The following GPAT3 variants were observed in gnomAD, a reference collection of about 807,000 sequenced individuals.
GPAT3 encodes 1-AGP acyltransferase 9.
GPAT3 carries 53 observed loss-of-function variants against 58.8 expected under a neutral mutation model. The ratio of observed to expected loss-of-function variants is 0.90; its 90% CI spans 0.72 to 1.13. GPAT3 has a LOEUF of 1.13. GPAT3 is among the 50% of genes most tolerant of loss of function. GPAT3 has a pLI of 0.00. For synonymous variants in GPAT3, 197 were observed against 187.4 expected, an observed-to-expected ratio of 1.05 and a Z score of -0.42; for missense variants, 511 against 527.6, an observed-to-expected ratio of 0.97 and a Z score of 0.31.
chr4:83,550,922 G>A lies in GPAT3; in HGVS notation c.208+6320G>A, dbSNP rs1206476949. ...ATTTTAATCTTTACATCTTAACATA[G>A]CTCTGTAGAAGGCAAAAGTTTGATT... On this transcript the variant is annotated intron_variant, in intron 2 of 11. Transcript: ENST00000264409. Among the ~76,000 whole-genome samples, 3 of 152,098 alleles carry A rather than the reference G, an allele frequency of 2.0e-5. No homozygotes were observed. The East Asian group carries it at 5.8e-4, about 29-fold the overall frequency.
chr4:83,588,326 C>G, intron 5 of GPAT3, 27 bp downstream of exon 5: 1 of 1,593,782 alleles, frequency 6.3e-7, no homozygotes, highest in East Asian at 2.2e-5. Flanking sequence ...ATGTGCCTGT[C>G]TTTTTCTAGG....
chr4:83,576,971 A>T (rs1725844918), intron 2 of GPAT3, among the ~76,000 whole-genome samples: 1 of 152,216 alleles, frequency 6.6e-6, no homozygotes, highest in African/African-American at 2.4e-5. Context: ...TACTAATGTT[A>T]CATGGAGAAA....
intron 2 of GPAT3, among the ~76,000 whole-genome samples, chr4:83,564,682 GAGCA>G (rs956169759): frequency 2.0e-5 from 3 of 151,858 alleles, no homozygotes; most frequent in Non-Finnish European, 2.9e-5. Flanking sequence ...CTGGGCAACA[GAGCA>G]AGACTCTGTC....
intron 2 of GPAT3, among the ~76,000 whole-genome samples, chr4:83,560,421 TTTTTTTTGTA>T (rs1725089198): frequency 6.6e-6 from 1 of 152,206 alleles, no homozygotes; most frequent in Admixed American, 6.5e-5. Context: ...TGTTTGAATT[TTTTTTTTGTA>T]TTTTTTTGTA....
chr4:83,585,210 A>G (rs574110001), intron 3 of GPAT3, among the ~76,000 whole-genome samples: 33 of 152,092 alleles, frequency 2.2e-4, no homozygotes, highest in African/African-American at 7.0e-4. Flanking sequence ...TTAACACCTT[A>G]TTTATCAAGG....
intron 2 of GPAT3, among the ~76,000 whole-genome samples, chr4:83,546,151 A>AT (rs1269972188): frequency 6.6e-6 from 1 of 151,994 alleles, no homozygotes; most frequent in East Asian, 1.9e-4. Context: ...TGCCTGGCTA[A>AT]TTTTTGTATT....
In GPAT3 at chr4:83,598,739, G is replaced by T; in HGVS notation, c.1205+16G>T. On this transcript the variant is annotated intron_variant, in intron 11 of 11. Coordinates refer to ENST00000264409, the MANE Select transcript of GPAT3 (RefSeq NM_032717.5). ...AACTTCCCTGGTAAGAGAACTTTCA[G>T]AAGTACTATCACTTTTTTTTTTTTT... 7.7e-6 allele frequency: 3 copies of T among 389,464 alleles called. No individual in the cohort carries two copies. Among genetic ancestry groups the T allele is most frequent in the East Asian group, 8.2e-5 (1 of 12,210 alleles). The allele number at this position is 389,464 out of a possible 1,614,324, so 24.1% of individuals were successfully genotyped here. A position where few individuals can be genotyped will look rare whatever the true frequency, so the allele number is the denominator to read the frequency against.
chr4:83,551,249 A>G (rs1010312566), intron 2 of GPAT3, among the ~76,000 whole-genome samples: 5 of 152,354 alleles, frequency 3.3e-5, no homozygotes, highest in African/African-American at 1.2e-4. Context: ...AACTGGACTT[A>G]CATGGAAAGA....
chr4:83,558,465 A>G (rs1725016697), intron 2 of GPAT3, among the ~76,000 whole-genome samples: 1 of 152,220 alleles, frequency 6.6e-6, no homozygotes, highest in Non-Finnish European at 1.5e-5. Flanking sequence ...CCACACAGCC[A>G]TGACTGAACC....
intron 2 of GPAT3, among the ~76,000 whole-genome samples, chr4:83,579,385 T>C (rs1726023146): frequency 1.3e-5 from 2 of 148,860 alleles, no homozygotes; most frequent in South Asian, 4.3e-4. Context: ...CTCCATCTTC[T>C]GGGCTCAAGT....
chr4:83,539,846 T>C (rs1375129917), intron 1 of GPAT3, among the ~76,000 whole-genome samples: 1 of 152,190 alleles, frequency 6.6e-6, no homozygotes, highest in Non-Finnish European at 1.5e-5. Flanking sequence ...AAAATTGTTT[T>C]AGGAATACAA....
Position 83,579,078 on chromosome 4 carries a change from C to CCTTCCTTCCTTCCTTCCTTCT in GPAT3, c.209-2484_209-2483insCTTCCTTCCTTCCTTCCTTCT, listed in dbSNP as rs1725992056. ...TCTTTCTTTCTTTCTTTCTTTCTTT[C>CCTTCCTTCCTTCCTTCCTTCT]TTCCCTTCCTTCCTTCCTTCCTTCC... is the stretch of plus-strand genomic sequence containing the variant. On this transcript the variant is annotated intron_variant, in intron 2 of 11. Coordinates refer to ENST00000264409, the MANE Select transcript of GPAT3 (RefSeq NM_032717.5). Among the ~76,000 whole-genome samples the CCTTCCTTCCTTCCTTCCTTCT allele has an allele frequency of 1.6e-4, 4 of 24,914 alleles. 1 individual carries two copies. The highest frequency in any genetic ancestry group is 3.8e-3 in the South Asian group (2 of 522). The allele number at this position is 24,914 out of a possible 152,430, so 16.3% of individuals were successfully genotyped here.
At chr4:83,570,489 TTGA>T (rs1432913284) in intron 2 of GPAT3, among the ~76,000 whole-genome samples, 1 of 150,978 alleles carries the variant, frequency 6.6e-6, no homozygotes, top group Non-Finnish European at 1.5e-5. Context: ...TTTTTTTTTT[TTGA>T]GACGGAGTCT....
At position 83,574,882 on chromosome 4, in the gene GPAT3, G is replaced by GTT. The variant is rs1317801458; in HGVS notation, c.209-6668_209-6667dup. Among the ~76,000 whole-genome samples the GTT allele has an allele frequency of 7.4e-3, 720 of 96,736 alleles. 43 individuals carry two copies. Among genetic ancestry groups the GTT allele is most frequent in the South Asian group, 0.015 (45 of 3,026 alleles). The allele number at this position is 96,736 out of a possible 152,430, so 63.5% of individuals were successfully genotyped here. On this transcript the variant is annotated intron_variant, in intron 2 of 11. Transcript: ENST00000264409. ...ACATTTCTTTCTTTTTTTTTTTTTT[G>GTT]TTTTTTTTTTTTTGAGACGGAGTCT...
chr4:83,593,156 C>T (rs1426316341), intron 6 of GPAT3, among the ~76,000 whole-genome samples: 11 of 115,610 alleles, frequency 9.5e-5, no homozygotes, highest in Admixed American at 1.9e-4. Context: ...TGTGAGCCAC[C>T]GAGCCAGGAC....
intron 1 of GPAT3, among the ~76,000 whole-genome samples, chr4:83,541,188 T>G (rs915372055): frequency 1.3e-5 from 2 of 152,116 alleles, no homozygotes; most frequent in African/African-American, 2.4e-5. Flanking sequence ...GCAAATTCCC[T>G]TAGGCACTAA....
chr4:83,575,861 A>G (rs1397559702), intron 2 of GPAT3, among the ~76,000 whole-genome samples: 1 of 152,206 alleles, frequency 6.6e-6, no homozygotes, highest in Non-Finnish European at 1.5e-5. Context: ...TTTTGGTTAT[A>G]TCACATGTGT....
At chr4:83,557,406 T>C (rs1724979713) in intron 2 of GPAT3, among the ~76,000 whole-genome samples, 1 of 152,222 alleles carries the variant, frequency 6.6e-6, no homozygotes, top group Non-Finnish European at 1.5e-5. Flanking sequence ...TTGATGAAGT[T>C]TGACTCTAAC....
intron 7 of GPAT3, among the ~76,000 whole-genome samples, chr4:83,595,743 CAG>C (rs1405599196): frequency 1.3e-5 from 2 of 151,926 alleles, no homozygotes; most frequent in East Asian, 3.9e-4. Context: ...CAGCTAGAGA[CAG>C]AGGAATGGGA....
Sources: allele counts gnomAD v4.1 joint callset (sites outside exome capture counted in the v4.1 genomes callset), GRCh38; gene constraint gnomAD v4.1.1; transcripts MANE v1.5; gene names NCBI Gene and HGNC (gene_info 2026-07-23, HGNC 2026-07-21).